Variants in CNTN5 observed in about 807,000 individuals in gnomAD.
The protein encoded by CNTN5 is contactin 5, also known as contactin-5.
In CNTN5, 77 loss-of-function variants were observed where a neutral mutation model predicts 129.1. The ratio of observed to expected loss-of-function variants is 0.60; its 90% CI spans 0.50 to 0.72. The LOEUF is 0.72. Ranked by LOEUF, CNTN5 falls within the 30% of genes least tolerant of loss-of-function variation. The probability of loss-of-function intolerance (pLI) is 0.00; values close to 1 mark genes in which losing one functional copy is unlikely to be tolerated. For synonymous variants in CNTN5, 509 were observed against 465.6 expected, an observed-to-expected ratio of 1.09 and a Z score of -1.20; for missense variants, 1,478 against 1,328.8, an observed-to-expected ratio of 1.11 and a Z score of -1.75.
intron 1 of CNTN5, among the ~76,000 whole-genome samples, chr11:99,077,629 C>T (rs759449716): frequency 5.9e-5 from 9 of 152,130 alleles, no homozygotes; most frequent in East Asian, 1.9e-4. Context: ...TGTCCCCATC[C>T]GAATCTCATC....
chr11:99,463,348 G>T (rs1401436798), intron 2 of CNTN5, among the ~76,000 whole-genome samples: 2 of 146,934 alleles, frequency 1.4e-5, no homozygotes, highest in Non-Finnish European at 3.0e-5. Context: ...TGAGGCGGGA[G>T]AATGGCGTGA....
At chr11:100,189,995 T>A (rs1948428765) in intron 13 of CNTN5, among the ~76,000 whole-genome samples, 1 of 152,248 alleles carries the variant, frequency 6.6e-6, no homozygotes. Flanking sequence ...CAGCCTAGAA[T>A]CTAATATCAA....
chr11:99,836,767 AAAGC>A (rs1306986906), intron 4 of CNTN5, among the ~76,000 whole-genome samples: 1 of 152,140 alleles, frequency 6.6e-6, no homozygotes, highest in African/African-American at 2.4e-5. Flanking sequence ...CAACAGTGTA[AAAGC>A]ATTCCTATTT....
chr11:99,787,153 A>G (rs1025210173), intron 3 of CNTN5, among the ~76,000 whole-genome samples: 1 of 150,892 alleles, frequency 6.6e-6, no homozygotes, highest in African/African-American at 2.4e-5. Context: ...TTTAGGGTAC[A>G]TGTGCACCTG....
intron 13 of CNTN5, among the ~76,000 whole-genome samples, chr11:100,079,123 G>A (rs918918123): frequency 1.6e-4 from 24 of 152,054 alleles, no homozygotes; most frequent in South Asian, 4.1e-4. Context: ...TACCACTCCC[G>A]TGATTCAGTT....
At chr11:99,779,873 G>C (rs1488647657) in intron 3 of CNTN5, among the ~76,000 whole-genome samples, 1 of 151,866 alleles carries the variant, frequency 6.6e-6, no homozygotes, top group Non-Finnish European at 1.5e-5. Context: ...CCCATGATCT[G>C]CTCCCTTCAA....
chr11:99,782,746 A>T (rs986026890), intron 3 of CNTN5, among the ~76,000 whole-genome samples: 1 of 152,074 alleles, frequency 6.6e-6, no homozygotes, highest in Non-Finnish European at 1.5e-5. Flanking sequence ...CCTATTTAAT[A>T]AATGGACATG....
At chr11:99,735,726 T>C (rs1053997433) in intron 3 of CNTN5, among the ~76,000 whole-genome samples, 1 of 152,234 alleles carries the variant, frequency 6.6e-6, no homozygotes, top group African/African-American at 2.4e-5. Flanking sequence ...TGTATTGATA[T>C]ATACCTTGTG....
chr11:99,669,291 G>A (rs974626263), intron 3 of CNTN5, among the ~76,000 whole-genome samples: 1 of 152,068 alleles, frequency 6.6e-6, no homozygotes, highest in Non-Finnish European at 1.5e-5. Context: ...CTGAAATGGA[G>A]ATCAGAAAAT....
intron 1 of CNTN5, among the ~76,000 whole-genome samples, chr11:99,079,434 G>C (rs1181186045): frequency 6.6e-6 from 1 of 152,122 alleles, no homozygotes; most frequent in African/African-American, 2.4e-5. Flanking sequence ...AGCATGTAAT[G>C]ACCATGATAT....
chr11:99,084,619 G>C (rs1865926945), intron 1 of CNTN5, among the ~76,000 whole-genome samples: 1 of 151,948 alleles, frequency 6.6e-6, no homozygotes, highest in Non-Finnish European at 1.5e-5. Flanking sequence ...TCTACTTCTA[G>C]ATTTCCCTTT....
intron 3 of CNTN5, among the ~76,000 whole-genome samples, chr11:99,754,762 A>G (rs1944353997): frequency 6.6e-6 from 1 of 152,174 alleles, no homozygotes; most frequent in Non-Finnish European, 1.5e-5. Flanking sequence ...CATTTGACAC[A>G]TACTTATTAC....
At chr11:99,698,214 C>G (rs966753137) in intron 3 of CNTN5, among the ~76,000 whole-genome samples, 1 of 151,008 alleles carries the variant, frequency 6.6e-6, no homozygotes, top group African/African-American at 2.4e-5. Flanking sequence ...ATACATTATT[C>G]AAGTATTACA....
chr11:99,381,816 G>T (rs763129660), intron 2 of CNTN5, among the ~76,000 whole-genome samples: 6 of 152,108 alleles, frequency 3.9e-5, no homozygotes, highest in Non-Finnish European at 5.9e-5. Flanking sequence ...GGTCCAACAT[G>T]TTAGAAGTAA....
chr11:99,445,793 C>G (rs1440705546), intron 2 of CNTN5, among the ~76,000 whole-genome samples: 2 of 151,962 alleles, frequency 1.3e-5, no homozygotes, highest in Non-Finnish European at 2.9e-5. Context: ...TTTTAAAGTA[C>G]TTCCTTAGGG....
chr11:99,905,059 T>G (rs1307902660), intron 6 of CNTN5, among the ~76,000 whole-genome samples: 2 of 152,216 alleles, frequency 1.3e-5, no homozygotes, highest in Non-Finnish European at 2.9e-5. Flanking sequence ...ATCAGACAGA[T>G]AGATTGCAAA....
intron 2 of CNTN5, among the ~76,000 whole-genome samples, chr11:99,481,448 C>T (rs1027101786): frequency 6.6e-6 from 1 of 152,234 alleles, no homozygotes. Context: ...CCCTTATTCA[C>T]TGTTGTATCC....
intron 1 of CNTN5, among the ~76,000 whole-genome samples, chr11:99,296,394 T>G (rs61893133): frequency 0.046 from 7,055 of 152,236 alleles, 357 homozygotes; most frequent in East Asian, 0.18. Context: ...GGTTCTAGAT[T>G]GTGAAGAGAT....
At chr11:99,536,724 G>A (rs1313562785) in intron 2 of CNTN5, among the ~76,000 whole-genome samples, 5 of 151,650 alleles carry the variant, frequency 3.3e-5, no homozygotes, top group Non-Finnish European at 7.4e-5. Flanking sequence ...ACAATTCTTT[G>A]GAGAAAATAT....
Sources: allele counts gnomAD v4.1 joint callset (sites outside exome capture counted in the v4.1 genomes callset), GRCh38; gene constraint gnomAD v4.1.1; transcripts MANE v1.5; gene names NCBI Gene and HGNC (gene_info 2026-07-23, HGNC 2026-07-21).